FA2H: variants seen among roughly 807,000 people sequenced by gnomAD.
The protein encoded by FA2H is fatty acid alpha-hydroxylase.
A neutral mutation model predicts 44.9 loss-of-function variants in FA2H; 22 were observed. The observed-to-expected ratio is 0.49, with a 90% CI of 0.35 to 0.70. The LOEUF is 0.70. Ranked by LOEUF, FA2H falls within the 30% of genes least tolerant of loss-of-function variation. FA2H has a pLI of 0.01. For missense variants in FA2H, 501 were observed against 504.9 expected (o/e 0.99, Z 0.07); for synonymous variants, 243 against 213.2 (o/e 1.14, Z -1.22).
chr16:74,734,360 C>T (rs1205979122), intron 2 of FA2H, among the ~76,000 whole-genome samples: 1 of 152,242 alleles, frequency 6.6e-6, no homozygotes, highest in Non-Finnish European at 1.5e-5. Context: ...CGGTTATGCC[C>T]GAAACTGCTC....
intron 4 of FA2H, among the ~76,000 whole-genome samples, chr16:74,721,920 T>G (rs1015669310): frequency 6.6e-6 from 1 of 152,236 alleles, no homozygotes; most frequent in African/African-American, 2.4e-5. Context: ...ACGGCAGATG[T>G]GTCCTGACTG....
chr16:74,724,360 T>C (rs1347528516), intron 4 of FA2H, among the ~76,000 whole-genome samples: 1 of 152,220 alleles, frequency 6.6e-6, no homozygotes, highest in East Asian at 1.9e-4. Context: ...TCTCAGAAGC[T>C]GCTCTGGAGC....
chr16:74,759,051 C>G (rs972701221), intron 1 of FA2H, among the ~76,000 whole-genome samples: 4 of 152,220 alleles, frequency 2.6e-5, no homozygotes, highest in Non-Finnish European at 5.9e-5. Context: ...CTCTGTTGCA[C>G]CTGGCAGGTT....
In FA2H at chr16:74,746,189, C is replaced by G. The variant is rs530338376; in HGVS notation, c.271-6074G>C. 2.2e-4 allele frequency among the ~76,000 whole-genome samples: 33 copies of G among 152,188 alleles called. No homozygotes were observed. In the South Asian group the frequency reaches 6.4e-3, roughly 30 times the overall value. The stretch of plus-strand genomic sequence containing the variant: ...GCCACACCCTGTTACAAGAGGGCAG[C>G]TCTGACTTAGGTCCAAGTCATAGGA... On this transcript the variant is annotated intron_variant, in intron 1 of 6. Coordinates refer to ENST00000219368, the MANE Select transcript of FA2H (RefSeq NM_024306.5).
intron 1 of FA2H, among the ~76,000 whole-genome samples, chr16:74,756,362 G>T (rs1163842932): frequency 6.6e-6 from 1 of 152,066 alleles, no homozygotes; most frequent in Non-Finnish European, 1.5e-5. Flanking sequence ...TGCTTGGACG[G>T]ACAACCACTG....
chr16:74,724,348 G>T (rs529911286), intron 4 of FA2H, among the ~76,000 whole-genome samples: 47 of 152,288 alleles, frequency 3.1e-4, no homozygotes, highest in Middle Eastern at 3.4e-3. Flanking sequence ...GCTCTAACGT[G>T]CTCTCAGAAG....
chr16:74,760,661 T>C (rs964589040), intron 1 of FA2H, among the ~76,000 whole-genome samples: 3 of 152,216 alleles, frequency 2.0e-5, no homozygotes, highest in Admixed American at 2.0e-4. Flanking sequence ...GACAAGTTTA[T>C]GAAGTCTAGA....
At chr16:74,739,998 C>T (rs774971136) in intron 2 of FA2H, 25 bp downstream of exon 2, 3 of 1,563,844 alleles carry the variant, frequency 1.9e-6, no homozygotes, top group Non-Finnish European at 2.6e-6. Flanking sequence ...CCAGTCATCA[C>T]CCCACTCCAT....
chr16:74,721,979 T>A (rs920983657), intron 4 of FA2H, among the ~76,000 whole-genome samples: 15 of 152,208 alleles, frequency 9.9e-5, no homozygotes, highest in Non-Finnish European at 1.6e-4. Flanking sequence ...GATTACTTCC[T>A]ATTTCATCTC....
rs1239531985 is a variant in FA2H at position 74,713,859 on chromosome 16, G to A, written c.*331C>T. ...GCACAAGGGTGACACAGGTGGCCAC[G>A]AGGGCTCAGTTTTCTTCATTTCCCC... On this transcript the variant is annotated 3_prime_UTR_variant, in exon 7 of 7. Coordinates refer to ENST00000219368, the MANE Select transcript of FA2H (RefSeq NM_024306.5). The A allele has an allele frequency of 9.1e-6, 3 of 330,298 alleles. No individual in the cohort carries two copies. The highest frequency in any genetic ancestry group is 4.0e-5 in the Admixed American group (1 of 25,270). 20.5% of individuals were successfully genotyped at this position (330,298 alleles called of 1,614,324 possible).
At chr16:74,723,844 T>C (rs1270051507) in intron 4 of FA2H, among the ~76,000 whole-genome samples, 1 of 152,122 alleles carries the variant, frequency 6.6e-6, no homozygotes, top group African/African-American at 2.4e-5. Flanking sequence ...AGGATGGAGG[T>C]AACAGAGTAT....
At chr16:74,772,395 C>G (rs373805082) in intron 1 of FA2H, among the ~76,000 whole-genome samples, 2 of 152,328 alleles carry the variant, frequency 1.3e-5, no homozygotes, top group South Asian at 2.1e-4. Flanking sequence ...ATTAATTAAG[C>G]AACTATCATG....
rs1482897208 is a variant in FA2H at position 74,716,570 on chromosome 16, G to T, written c.816C>A (p.Phe272Leu). The T allele has an allele frequency of 1.3e-6, 2 of 1,592,820 alleles. No homozygotes were observed. Among genetic ancestry groups the T allele is most frequent in the African/African-American group, 2.7e-5 (2 of 74,498 alleles). ...KAPFDGSRLV[F>L]PPVPASLVIG... is the part of the protein sequence containing the mutation. ...TCACCAGGGAGGCTGGCACAGGGGG[G>T]AAGACCAGGCGGGAGCCGTCGAAGG... Residue 272 changes from phenylalanine to leucine, a missense_variant, in exon 6 of 7, where the codon TTC (phenylalanine) becomes TTA (leucine). Coordinates refer to ENST00000219368, the MANE Select transcript of FA2H (RefSeq NM_024306.5).
rs559099850 is a variant in FA2H, at chr16:74,721,198, G to A, written c.614-2038C>T. On this transcript the variant is annotated intron_variant, in intron 4 of 6. Coordinates refer to ENST00000219368, the MANE Select transcript of FA2H (RefSeq NM_024306.5). The stretch of plus-strand genomic sequence containing the variant: ...TTTTTTTTTTGTGAGGCAGAGTTTC[G>A]CTCTTGTCACCCAGGCTGGAGTGCA... Among the ~76,000 whole-genome samples, 26 of 151,568 alleles carry A rather than the reference G, an allele frequency of 1.7e-4. 1 individual carries two copies. The highest frequency in any genetic ancestry group is 1.1e-3 in the Admixed American group (16 of 15,210).
At chr16:74,749,522 C>T (rs1169796826) in intron 1 of FA2H, among the ~76,000 whole-genome samples, 2 of 152,234 alleles carry the variant, frequency 1.3e-5, no homozygotes, top group Non-Finnish European at 2.9e-5. Flanking sequence ...AACAAAAAGA[C>T]AGTCTTGGGC....
intron 1 of FA2H, among the ~76,000 whole-genome samples, chr16:74,765,727 AT>A (rs2144663472): frequency 6.6e-6 from 1 of 151,298 alleles, no homozygotes; most frequent in African/African-American, 2.4e-5. Context: ...ATGTTGGAAA[AT>A]TTTTTTGTAG....
intron 2 of FA2H, among the ~76,000 whole-genome samples, chr16:74,738,406 G>T (rs1216064410): frequency 6.6e-6 from 1 of 152,096 alleles, no homozygotes; most frequent in African/African-American, 2.4e-5. Flanking sequence ...ATGGGGCCGG[G>T]GTCAGCCCTG....
intron 5 of FA2H, among the ~76,000 whole-genome samples, chr16:74,718,768 G>C (rs1452664604): frequency 1.3e-5 from 2 of 152,228 alleles, no homozygotes; most frequent in African/African-American, 4.8e-5. Flanking sequence ...AGGGTGCAGA[G>C]GGCCTGGGGT....
intron 2 of FA2H, 34 bp downstream of exon 2, chr16:74,739,989 C>A (rs1962259245): frequency 6.6e-7 from 1 of 1,505,276 alleles, no homozygotes; most frequent in Non-Finnish European, 9.3e-7. Context: ...CGCCAGCCCC[C>A]AGTCATCACC....
Sources: gnomAD v4.1 joint callset for allele counts (sites outside exome capture counted in the v4.1 genomes callset) on GRCh38, gnomAD v4.1.1 for gene constraint, MANE v1.5 for transcripts, NCBI Gene and HGNC (gene_info 2026-07-23, HGNC 2026-07-21) for gene names.